Variants in DNAJA3 observed in about 807,000 individuals in gnomAD.
DNAJA3 encodes DnaJ heat shock protein family (Hsp40) member A3.
In DNAJA3, 29 loss-of-function variants were observed where a neutral mutation model predicts 54.9. The observed-to-expected ratio is 0.53, with a 90% CI of 0.39 to 0.72. The LOEUF is 0.72. DNAJA3 is among the 30% of genes least tolerant of loss of function. DNAJA3 has a pLI of 0.00. For missense variants in DNAJA3, 708 were observed against 639.4 expected, an observed-to-expected ratio of 1.11 and a Z score of -1.16; for synonymous variants, 302 against 251.4, an observed-to-expected ratio of 1.20 and a Z score of -1.90.
In DNAJA3 at chr16:4,444,744, C is replaced by T. The variant is rs746173834; in HGVS notation, c.996+16C>T. ...TACGTTCAGGGTAGGTGCCCTGCCC[C>T]GCACAGCTTCTGTTGGGCCTTTCCT... On this transcript the variant is annotated intron_variant, in intron 7 of 11. Coordinates refer to ENST00000262375, the MANE Select transcript of DNAJA3 (RefSeq NM_005147.6). 49 of 1,611,114 alleles carry T rather than the reference C, an allele frequency of 3.0e-5. No homozygotes were observed. Among genetic ancestry groups the T allele is most frequent in the East Asian group, 1.1e-4 (5 of 44,870 alleles).
At chr16:4,435,856 G>A (rs1460559175) in intron 2 of DNAJA3, among the ~76,000 whole-genome samples, 2 of 152,204 alleles carry the variant, frequency 1.3e-5, no homozygotes, top group Non-Finnish European at 1.5e-5. Context: ...TAGTTGCTGA[G>A]TCATATGGTA....
Position 4,455,781 on chromosome 16 carries a change from G to A in DNAJA3, c.*249G>A. ...GCTGGTGGCAGTTTCCTGTCCATTG[G>A]TAGGTGACGGCCCCTGGCTCAGGCA... On this transcript the variant is annotated 3_prime_UTR_variant, in exon 12 of 12. Transcript: ENST00000262375. 1 of 602,494 alleles carries A rather than the reference G, an allele frequency of 1.7e-6. No individual in the cohort carries two copies. The highest frequency in any genetic ancestry group is 2.8e-5 in the East Asian group (1 of 36,362). The allele number at this position is 602,494 out of a possible 1,614,324, so 37.3% of individuals were successfully genotyped here.
chr16:4,428,977 C>T (rs2056658700), intron 1 of DNAJA3, among the ~76,000 whole-genome samples: 1 of 150,126 alleles, frequency 6.7e-6, no homozygotes, highest in Admixed American at 6.6e-5. Context: ...CAAACTCCGC[C>T]TCCCGGGTTC....
At chr16:4,429,582 C>G (rs920674701) in intron 1 of DNAJA3, among the ~76,000 whole-genome samples, 1 of 152,154 alleles carries the variant, frequency 6.6e-6, no homozygotes, top group African/African-American at 2.4e-5. Flanking sequence ...CGCCTGTAAT[C>G]CCAGCACTTT....
chr16:4,438,234 G>A (rs887284312), intron 3 of DNAJA3, among the ~76,000 whole-genome samples: 32 of 151,818 alleles, frequency 2.1e-4, no homozygotes, highest in Non-Finnish European at 8.8e-5. Flanking sequence ...GGAGAATGGC[G>A]TGAACCCGGG....
intron 10 of DNAJA3, among the ~76,000 whole-genome samples, chr16:4,452,997 CAT>C (rs999124319): frequency 1.3e-5 from 2 of 152,210 alleles, no homozygotes; most frequent in African/African-American, 4.8e-5. Context: ...TTTGCATCCA[CAT>C]ATGACAGTAT....
rs369476981 is a variant in DNAJA3 at position 4,454,833 on chromosome 16, C to T, written c.1362C>T (p.Ser454=). 63 of 1,613,910 alleles carry T rather than the reference C, an allele frequency of 3.9e-5. No homozygotes were observed. Among genetic ancestry groups the T allele is most frequent in the African/African-American group, 8.0e-5 (6 of 75,042 alleles). Residue 454 remains serine (S), a synonymous_variant, in exon 11 of 12, where the codon TCC becomes TCT. Transcript: ENST00000262375. Reference sequence around the variant, plus strand: ...CAGGTGGCAGCACCATGGATAGCTCCGCAGGAAGCAAGGCTAGGCGTGAGG... The same window carrying T: ...CAGGTGGCAGCACCATGGATAGCTCTGCAGGAAGCAAGGCTAGGCGTGAGG... ...TSSGGSTMDS[S]AGSKARREAG...
At chr16:4,455,454 A>G (rs1336889338) in intron 11 of DNAJA3, 92 bp from the exon 12 acceptor site, 1 of 1,467,924 alleles carries the variant, frequency 6.8e-7, no homozygotes, top group Non-Finnish European at 9.3e-7. Context: ...CTCTTGGCAC[A>G]GCTGCTTTCC....
chr16:4,450,234 G>A, intron 9 of DNAJA3, 166 bp from the exon 10 acceptor site: 1 of 561,888 alleles, frequency 1.8e-6, no homozygotes, highest in Non-Finnish European at 3.2e-6. Context: ...CAGAAGCTTT[G>A]AGGGCATGGT....
At chr16:4,448,665 A>T in intron 8 of DNAJA3, 68 bp from the exon 9 acceptor site, 1 of 1,056,178 alleles carries the variant, frequency 9.5e-7, no homozygotes, top group Non-Finnish European at 1.4e-6. Flanking sequence ...GATTGTCTTC[A>T]TGTAGTGAAA....
intron 1 of DNAJA3, among the ~76,000 whole-genome samples, chr16:4,428,882 ATTT>A (rs766170292): frequency 0.015 from 1,619 of 108,334 alleles, 12 homozygotes; most frequent in African/African-American, 0.058. Flanking sequence ...CTACAAAAAG[ATTT>A]TTTTTTTTTT....
chr16:4,427,196 G>A (rs1268238487), intron 1 of DNAJA3: 1 of 152,248 alleles, frequency 6.6e-6, no homozygotes, highest in Non-Finnish European at 1.5e-5. Flanking sequence ...TGGGATTACA[G>A]GCGTGAACCA....
At chr16:4,444,967 C>A (rs889534118) in intron 7 of DNAJA3, among the ~76,000 whole-genome samples, 1 of 152,122 alleles carries the variant, frequency 6.6e-6, no homozygotes, top group African/African-American at 2.4e-5. Context: ...ATACAGGTCA[C>A]ATAAAAATAC....
chr16:4,437,968 A>T (rs576142749), intron 3 of DNAJA3, among the ~76,000 whole-genome samples: 2 of 151,926 alleles, frequency 1.3e-5, no homozygotes, highest in Admixed American at 6.6e-5. Context: ...AAAATAAAAA[A>T]TTAAAAAAAA....
At chr16:4,437,264 C>A in intron 2 of DNAJA3, 138 bp from the exon 3 acceptor site, 2 of 744,250 alleles carry the variant, frequency 2.7e-6, no homozygotes, top group Non-Finnish European at 4.5e-6. Flanking sequence ...AGCCACTGCA[C>A]CCAGCCGAGA....
chr16:4,434,172 C>T, intron 1 of DNAJA3: 2 of 550,032 alleles, frequency 3.6e-6, no homozygotes, highest in South Asian at 2.3e-5. Flanking sequence ...GAGGTAACCG[C>T]TCCTGTGATT....
intron 10 of DNAJA3, among the ~76,000 whole-genome samples, chr16:4,451,968 G>C (rs1194655517): frequency 6.6e-6 from 1 of 151,488 alleles, no homozygotes; most frequent in Non-Finnish European, 1.5e-5. Context: ...TACTCTGGAG[G>C]CTGAGGCAGG....
intron 1 of DNAJA3, chr16:4,427,044 A>G (rs1191310250): frequency 1.3e-5 from 2 of 151,890 alleles, no homozygotes; most frequent in African/African-American, 4.8e-5. Context: ...CAGCCTCCCC[A>G]GTAGCTGGAA....
At chr16:4,433,536 G>C (rs896313147) in intron 1 of DNAJA3, 2 of 152,242 alleles carry the variant, frequency 1.3e-5, no homozygotes, top group African/African-American at 4.8e-5. Context: ...TTGAACATCT[G>C]TGTTTTCATC....
Sources: allele counts gnomAD v4.1 joint callset (sites outside exome capture counted in the v4.1 genomes callset), GRCh38; gene constraint gnomAD v4.1.1; transcripts MANE v1.5; gene names NCBI Gene and HGNC (gene_info 2026-07-23, HGNC 2026-07-21).